AKAP13: variants seen among roughly 807,000 people sequenced by gnomAD.
The protein encoded by AKAP13 is A-kinase anchor protein 13.
In AKAP13, 80 loss-of-function variants were observed where a neutral mutation model predicts 264.5. The ratio of observed to expected loss-of-function variants is 0.30; its 90% CI spans 0.25 to 0.36. AKAP13 has a LOEUF of 0.36. AKAP13 is among the 10% of genes least tolerant of loss of function. AKAP13 has a pLI of 1.00. For synonymous variants in AKAP13, 1,380 were observed against 1,250.2 expected, an observed-to-expected ratio of 1.10 and a Z score of -2.19; for missense variants, 3,712 against 3,435.2, an observed-to-expected ratio of 1.08 and a Z score of -2.01.
intron 12 of AKAP13, chr15:85,662,512 G>A: frequency 1.2e-6 from 2 of 1,603,656 alleles, no homozygotes; most frequent in Non-Finnish European, 8.5e-7. Context: ...CGCCATCAGG[G>A]CTTTTGGCTT....
At chr15:85,649,963 C>T (rs385603) in intron 10 of AKAP13, among the ~76,000 whole-genome samples, 95,940 of 151,782 alleles carry the variant, frequency 0.63, 30,453 homozygotes, top group Middle Eastern at 0.71. Flanking sequence ...TGTTATTTTT[C>T]TTCCCCAGGT....
At chr15:85,397,293 C>G (rs535045125) in intron 1 of AKAP13, among the ~76,000 whole-genome samples, 142 of 152,178 alleles carry the variant, frequency 9.3e-4, no homozygotes, top group African/African-American at 3.4e-3. Context: ...TGAAATACTC[C>G]TCTTTCACCC....
intron 9 of AKAP13, among the ~76,000 whole-genome samples, chr15:85,641,911 C>T (rs968107290): frequency 2.0e-5 from 3 of 152,102 alleles, no homozygotes; most frequent in Non-Finnish European, 4.4e-5. Context: ...GTTTTCCTGC[C>T]CTTCCCCAAC....
chr15:85,543,336 T>C (rs2077632133), intron 4 of AKAP13, among the ~76,000 whole-genome samples: 1 of 152,250 alleles, frequency 6.6e-6, no homozygotes, highest in African/African-American at 2.4e-5. Context: ...ATACCATTTA[T>C]GATACACCCA....
rs968553916 is a variant in AKAP13, at chr15:85,655,720, C to T, written c.4678C>T (p.Pro1560Ser). 2 of 1,613,978 alleles carry T rather than the reference C, an allele frequency of 1.2e-6. No homozygotes were observed. Among genetic ancestry groups the T allele is most frequent in the Admixed American group, 1.7e-5 (1 of 60,016 alleles). The change falls in exon 11 of 37, where the codon CCC (proline) becomes TCC (serine). Residue 1560 changes from proline to serine, a missense_variant. Pro to Ser is a moderately conservative substitution (Grantham distance 74, BLOSUM62 -1). Transcript: ENST00000394518. The part of the protein sequence containing the change: ...VLRSSMRSLS[P>S]FRRHSWGPGK... ...AAGGAGCTCCATGCGCTCTCTTTCTCCCTTCCGGAGGCACAGCTGGGGGCC... is the reference window on the plus strand; with the variant it reads ...AAGGAGCTCCATGCGCTCTCTTTCTTCCTTCCGGAGGCACAGCTGGGGGCC...
Position 85,580,366 on chromosome 15 carries a change from C to T in AKAP13, c.2298C>T (p.Val766=), listed in dbSNP as rs2079125746. The T allele has an allele frequency of 6.2e-7, 1 of 1,614,180 alleles. No individual in the cohort carries two copies. The change falls in exon 7 of 37, where the codon GTC becomes GTT. Residue 766 remains valine (V), a synonymous_variant. Transcript: ENST00000394518. The stretch of plus-strand genomic sequence containing the variant: ...TGGTTTCACATCCACATCCAGTTGT[C>T]CCTAAAATGGAGAAAGAACTGGTGC... ...LEVVSHPHPV[V]PKMEKELVPD...
chr15:85,404,477 C>G (rs966667502), intron 1 of AKAP13, among the ~76,000 whole-genome samples: 3 of 152,234 alleles, frequency 2.0e-5, no homozygotes, highest in African/African-American at 7.2e-5. Flanking sequence ...ATATTGATTA[C>G]TTTGTGTGCC....
intron 8 of AKAP13, among the ~76,000 whole-genome samples, chr15:85,625,990 A>G (rs1427480512): frequency 1.3e-5 from 2 of 152,242 alleles, no homozygotes; most frequent in Non-Finnish European, 2.9e-5. Flanking sequence ...TAAGCACAAT[A>G]TTCTTCACAC....
intron 3 of AKAP13, among the ~76,000 whole-genome samples, chr15:85,526,130 T>C (rs2077032785): frequency 6.6e-6 from 1 of 152,226 alleles, no homozygotes; most frequent in Admixed American, 6.5e-5. Context: ...AAAGTAGATT[T>C]GTCATTAAAA....
chr15:85,530,264 C>T (rs1007166766), intron 3 of AKAP13, among the ~76,000 whole-genome samples: 4 of 152,122 alleles, frequency 2.6e-5, no homozygotes, highest in East Asian at 1.9e-4. Flanking sequence ...TTTAGCAATT[C>T]GGGACAAATT....
chr15:85,598,256 T>C (rs758768561), intron 8 of AKAP13, among the ~76,000 whole-genome samples: 4 of 152,124 alleles, frequency 2.6e-5, no homozygotes, highest in African/African-American at 9.7e-5. Flanking sequence ...CCTCTTGCAA[T>C]TGGGCCTAGG....
chr15:85,742,240 GCAGT>G (rs1487071384), intron 35 of AKAP13, among the ~76,000 whole-genome samples: 1 of 152,212 alleles, frequency 6.6e-6, no homozygotes, highest in Non-Finnish European at 1.5e-5. Flanking sequence ...TGAGAAAATG[GCAGT>G]CAGCCATCCA....
chr15:85,437,315 A>G (rs1340631668), intron 1 of AKAP13, among the ~76,000 whole-genome samples: 1 of 152,156 alleles, frequency 6.6e-6, no homozygotes, highest in South Asian at 2.1e-4. Context: ...AGCTGAAATT[A>G]TGGCAATAAT....
intron 10 of AKAP13, among the ~76,000 whole-genome samples, chr15:85,650,884 C>A: frequency 6.8e-6 from 1 of 146,320 alleles, no homozygotes; most frequent in Admixed American, 7.0e-5. Flanking sequence ...AGGTACTTTT[C>A]TTAAAATATT....
chr15:85,735,236 T>A, intron 31 of AKAP13, 86 bp downstream of exon 31: 1 of 1,517,064 alleles, frequency 6.6e-7, no homozygotes, highest in East Asian at 2.3e-5. Context: ...AGTAGCTACA[T>A]CACCGCTCCC....
chr15:85,692,933 G>T (rs2085372095), intron 16 of AKAP13, among the ~76,000 whole-genome samples: 1 of 152,136 alleles, frequency 6.6e-6, no homozygotes, highest in African/African-American at 2.4e-5. Context: ...TTCCTGTGTG[G>T]ACTGTGCTGT....
chr15:85,652,053 G>C (rs2082881754), intron 10 of AKAP13, among the ~76,000 whole-genome samples: 1 of 152,214 alleles, frequency 6.6e-6, no homozygotes, highest in Non-Finnish European at 1.5e-5. Flanking sequence ...ATATTATTCT[G>C]TGTGAACTTT....
chr15:85,485,656 T>C, intron 1 of AKAP13, 54 bp from the exon 2 acceptor site: 1 of 1,545,410 alleles, frequency 6.5e-7, no homozygotes, highest in East Asian at 2.2e-5. Flanking sequence ...GTGGCTTATA[T>C]ATTTTCGGTG....
rs2087943807 is a variant in AKAP13 at position 85,730,790 on chromosome 15, T to C, written c.7282+83T>C. The C allele has an allele frequency of 3.8e-6, 5 of 1,304,954 alleles. No homozygotes were observed. In the East Asian group the frequency reaches 1.2e-4, roughly 31 times the overall value. 80.8% of individuals were successfully genotyped at this position (1,304,954 alleles called of 1,614,324 possible). ...AATATTACCTGCCAGTTTTTACTTT[T>C]TTACTTTAAAGCACAAATGCAGAAA... On this transcript the variant is annotated intron_variant, in intron 30 of 36. Transcript: ENST00000394518.
Sources: allele counts gnomAD v4.1 joint callset (sites outside exome capture counted in the v4.1 genomes callset), GRCh38; gene constraint gnomAD v4.1.1; transcripts MANE v1.5; gene names NCBI Gene and HGNC (gene_info 2026-07-23, HGNC 2026-07-21).